The following FBXO41 variants were observed in gnomAD, a reference collection of about 807,000 sequenced individuals.
FBXO41 encodes F-box only protein 41.
Under a neutral mutation model 81.6 loss-of-function variants are expected in FBXO41, and 33 were observed. The observed-to-expected ratio is 0.40, with a 90% confidence interval of 0.31 to 0.54. The LOEUF (loss-of-function observed/expected upper bound fraction) is 0.54, where lower values mean the gene tolerates loss of function less well. FBXO41 is among the 20% of genes least tolerant of loss of function. The pLI, the probability that FBXO41 is intolerant of heterozygous loss-of-function variation, is 0.39. For synonymous variants in FBXO41, 576 were observed against 552.7 expected (o/e 1.04, Z -0.59); for missense variants, 1,107 against 1,236.0 (o/e 0.90, Z 1.56).
Position 73,276,585 on chromosome 2 carries a change from A to AGG in FBXO41, c.-138-6818_-138-6817insCC, listed in dbSNP as rs907154205. Among the ~76,000 whole-genome samples, 4 of 132,690 alleles carry AGG rather than the reference A, an allele frequency of 3.0e-5. 1 individual carries two copies. Among genetic ancestry groups the AGG allele is most frequent in the African/African-American group, 1.3e-4 (4 of 29,864 alleles). The allele number at this position is 132,690 out of a possible 152,430, so 87.0% of individuals were successfully genotyped here. Reference sequence around the variant, plus strand: ...CAGAGAGAGAGAGAGAGAGAGAGAGAGAGAGAGAGAGAGAGAGAGGGAGAG... The same window carrying AGG: ...CAGAGAGAGAGAGAGAGAGAGAGAGAGGGAGAGAGAGAGAGAGAGAGGGAGAG... On this transcript the variant is annotated intron_variant, in intron 1 of 12. Transcript: ENST00000520530.
At chr2:73,275,321 T>G (rs1447275124) in intron 1 of FBXO41, among the ~76,000 whole-genome samples, 1 of 152,132 alleles carries the variant, frequency 6.6e-6, no homozygotes. Flanking sequence ...TAGCTGGGAT[T>G]GCAAGCACCC....
chr2:73,261,401 T>A (rs1334365314), intron 9 of FBXO41, among the ~76,000 whole-genome samples: 3 of 152,150 alleles, frequency 2.0e-5, no homozygotes, highest in African/African-American at 7.2e-5. Flanking sequence ...ATTGGCATTC[T>A]CTGGGTTAGC....
intron 1 of FBXO41, among the ~76,000 whole-genome samples, chr2:73,278,334 T>C (rs1688752664): frequency 6.6e-6 from 1 of 152,214 alleles, no homozygotes; most frequent in Admixed American, 6.5e-5. Flanking sequence ...TAAATTTACT[T>C]AAAGTAGTTC....
At chr2:73,281,132 C>A (rs890679034) in intron 1 of FBXO41, among the ~76,000 whole-genome samples, 3 of 152,186 alleles carry the variant, frequency 2.0e-5, no homozygotes, top group African/African-American at 7.2e-5. Context: ...ATCCACCCAG[C>A]AAACGATGTC....
intron 1 of FBXO41, chr2:73,272,271 C>T (rs1001827267): frequency 3.9e-5 from 6 of 152,178 alleles, no homozygotes; most frequent in Non-Finnish European, 5.9e-5. Context: ...GTCCAACAAG[C>T]AAGAGACACA....
rs1455598246 is a variant in FBXO41 at position 73,255,637 on chromosome 2, T to C, written c.*3345A>G. On this transcript the variant is annotated 3_prime_UTR_variant, in exon 13 of 13. Coordinates refer to ENST00000520530, the MANE Select transcript of FBXO41 (RefSeq NM_001371389.2). ...ACAGGAACTGGGACTTTGGCACCAA[T>C]AGTCACTCTGGGAAGGCCTCCTTCA... 6.6e-6 allele frequency: 1 copy of C among 152,576 alleles called. No homozygotes were observed. The highest frequency in any genetic ancestry group is 1.5e-5 in the Non-Finnish European group (1 of 68,052). The allele number at this position is 152,576 out of a possible 1,614,324, so 9.5% of individuals were successfully genotyped here.
chr2:73,266,086 G>C lies in FBXO41; in HGVS notation c.1132-120C>G. ...GAGATGGGGGAGAGGAGAGAGAAGGGAAAATAGTTGGGAAAGATGGACAAA... is the reference window on the plus strand; with the variant it reads ...GAGATGGGGGAGAGGAGAGAGAAGGCAAAATAGTTGGGAAAGATGGACAAA... On this transcript the variant is annotated intron_variant, in intron 3 of 12. Coordinates refer to ENST00000520530, the MANE Select transcript of FBXO41 (RefSeq NM_001371389.2). This position sits in a 1 kb window ranked among gnomAD's most constrained non-coding sequence, Gnocchi z 5.3. The C allele has an allele frequency of 2.1e-5, 18 of 850,362 alleles. No individual in the cohort carries two copies. The highest frequency in any genetic ancestry group is 3.0e-5 in the Non-Finnish European group (16 of 532,224). The allele number at this position is 850,362 out of a possible 1,614,324, so 52.7% of individuals were successfully genotyped here.
chr2:73,264,766 C>T (rs547680539), intron 5 of FBXO41, among the ~76,000 whole-genome samples: 46 of 152,274 alleles, frequency 3.0e-4, no homozygotes, highest in African/African-American at 9.6e-4. Context: ...CATTCAAACT[C>T]ACCCCCTACA....
chr2:73,271,774 G>C (rs2103896712), intron 1 of FBXO41, among the ~76,000 whole-genome samples: 1 of 152,250 alleles, frequency 6.6e-6, no homozygotes, highest in East Asian at 1.9e-4. Flanking sequence ...GGGACTACAG[G>C]CATGTGCCAC....
chr2:73,276,560 CAG>C (rs533998261), intron 1 of FBXO41, among the ~76,000 whole-genome samples: 13,169 of 106,354 alleles, frequency 0.12, 649 homozygotes, highest in Non-Finnish European at 0.15. Context: ...CAAATCTATT[CAG>C]AGAGAGAGAG....
At position 73,266,002 on chromosome 2, in the gene FBXO41, G is replaced by C. The variant is rs763647353; in HGVS notation, c.1132-36C>G. On this transcript the variant is annotated intron_variant, in intron 3 of 12. Coordinates refer to ENST00000520530, the MANE Select transcript of FBXO41 (RefSeq NM_001371389.2). This position sits in a 1 kb window ranked among gnomAD's most constrained non-coding sequence, Gnocchi z 5.3. ...CCAGAGCAGGAGGTAAAGGAGAGGGGCGGAGGAGGCAAGAGGATGAGCAGG... is the reference window on the plus strand; with the variant it reads ...CCAGAGCAGGAGGTAAAGGAGAGGGCCGGAGGAGGCAAGAGGATGAGCAGG... The C allele has an allele frequency of 1.3e-6, 2 of 1,542,836 alleles. No individual in the cohort carries two copies. The highest frequency in any genetic ancestry group is 1.8e-6 in the Non-Finnish European group (2 of 1,137,852).
Position 73,264,325 on chromosome 2 carries a change from C to T in FBXO41, c.1759G>A (p.Ala587Thr), listed in dbSNP as rs772369672. 1.4e-5 allele frequency: 23 copies of T among 1,613,546 alleles called. No homozygotes were observed. The highest frequency in any genetic ancestry group is 4.4e-5 in the South Asian group (4 of 91,084). The change falls in exon 6 of 13, where the codon GCA (alanine) becomes ACA (threonine). Residue 587 changes from alanine (A) to threonine (T), a missense_variant. Physicochemically the swap from Ala to Thr is moderately conservative, Grantham distance 58. This residue lies in a region of FBXO41 where 336 missense variants were observed against 446.7 expected (regional missense o/e 0.75). Coordinates refer to ENST00000520530, the MANE Select transcript of FBXO41 (RefSeq NM_001371389.2). ...RDWRFVARHPAVWTRVLLENA... is the reference protein window; with the variant it reads ...RDWRFVARHPTVWTRVLLENA... Reference sequence around the variant, plus strand: ...TCAAGCAGCACCCTTGTCCAGACTGCGGGGTGGCGGGCCACGAAGCGCCAG... The same window carrying T: ...TCAAGCAGCACCCTTGTCCAGACTGTGGGGTGGCGGGCCACGAAGCGCCAG...
In FBXO41 at chr2:73,255,623, GA is replaced by G. The variant is rs1411065220; in HGVS notation, c.*3358del. 3 of 152,588 alleles carry G rather than the reference GA, an allele frequency of 2.0e-5. No individual in the cohort carries two copies. The highest frequency in any genetic ancestry group is 6.5e-5 in the Admixed American group (1 of 15,286). The allele number at this position is 152,588 out of a possible 1,614,324, so 9.5% of individuals were successfully genotyped here. On this transcript the variant is annotated 3_prime_UTR_variant, in exon 13 of 13. Coordinates refer to ENST00000520530, the MANE Select transcript of FBXO41 (RefSeq NM_001371389.2). ...TTACCCCAAGTCCAACAGGAACTGG[GA>G]CTTTGGCACCAATAGTCACTCTGGG...
chr2:73,266,098 G>A lies in FBXO41; in HGVS notation c.1132-132C>T, dbSNP rs1688264400. ...AGGAGAGAGAAGGGAAAATAGTTGG[G>A]AAAGATGGACAAATGGACAGACAGA... On this transcript the variant is annotated intron_variant, in intron 3 of 12. Transcript: ENST00000520530. The surrounding 1 kb of genome is among the most constrained non-coding windows in gnomAD (Gnocchi z 5.3). 2 of 840,602 alleles carry A rather than the reference G, an allele frequency of 2.4e-6. No homozygotes were observed. The highest frequency in any genetic ancestry group is 2.2e-5 in the Admixed American group (1 of 45,582). 52.1% of individuals were successfully genotyped at this position (840,602 alleles called of 1,614,324 possible). A position where few individuals can be genotyped will look rare whatever the true frequency, so the allele number is the denominator to read the frequency against.
chr2:73,279,629 C>T (rs1258191221), intron 1 of FBXO41, among the ~76,000 whole-genome samples: 2 of 152,174 alleles, frequency 1.3e-5, no homozygotes, highest in East Asian at 3.9e-4. Context: ...GGGAAGGGCC[C>T]ACTGGGGACT....
chr2:73,271,623 T>TTCCCCCCCCC (rs1688492959), intron 1 of FBXO41: 1 of 107,638 alleles, frequency 9.3e-6, no homozygotes, highest in African/African-American at 3.6e-5. Context: ...AATTCTGCAC[T>TTCCCCCCCCC]CCCCCCCCCC....
intron 2 of FBXO41, 120 bp downstream of exon 2, chr2:73,268,606 G>C (rs1243779751): frequency 1.9e-5 from 19 of 996,400 alleles, no homozygotes; most frequent in Non-Finnish European, 2.7e-5. Context: ...CCTGGCCACG[G>C]ATCCTCTATT....
Position 73,260,533 on chromosome 2 carries a change from G to A in FBXO41, c.2305C>T (p.Arg769Trp), listed in dbSNP as rs865871335. 1.9e-5 allele frequency: 30 copies of A among 1,594,072 alleles called. No homozygotes were observed. Among genetic ancestry groups the A allele is most frequent in the Non-Finnish European group, 2.0e-5 (23 of 1,170,454 alleles). Residue 769 changes from arginine (R) to tryptophan (W), a missense_variant, in exon 11 of 13, where the codon CGG becomes TGG. By Grantham distance (101) the Arg-to-Trp change is moderately radical. Transcript: ENST00000520530. This position sits in a 1 kb window ranked among gnomAD's most constrained non-coding sequence, Gnocchi z 5.0. ...GLASLARNCM[R>W]LQVLELDHVS... is the part of the protein sequence containing the mutation. ...TGGTCAAGCTCCAGGACCTGCAGCCGCATGCAGTTTCTCGCTAGGAAGAGG... is the reference window on the plus strand; with the variant it reads ...TGGTCAAGCTCCAGGACCTGCAGCCACATGCAGTTTCTCGCTAGGAAGAGG...
At position 73,259,203 on chromosome 2, in the gene FBXO41, TCAAA is replaced by T; in HGVS notation, c.2539_2542del (p.Phe847ArgfsTer4). On this transcript the variant is annotated frameshift_variant, in exon 12 of 13. Coordinates refer to ENST00000520530, the MANE Select transcript of FBXO41 (RefSeq NM_001371389.2). LOFTEE classifies it high-confidence loss of function. This position sits in a 1 kb window ranked among gnomAD's most constrained non-coding sequence, Gnocchi z 4.2. The stretch of plus-strand genomic sequence containing the variant: ...CACCTGGAGTTTTGTCACCATGTCC[TCAAA>T]CAGCTTCTGGGCCTCAGGGCTGCTG... 6.2e-7 allele frequency: 1 copy of T among 1,613,974 alleles called. No homozygotes were observed. Among genetic ancestry groups the T allele is most frequent in the Non-Finnish European group, 8.5e-7 (1 of 1,179,874 alleles).
Sources: allele counts gnomAD v4.1 joint callset (sites outside exome capture counted in the v4.1 genomes callset), GRCh38; gene constraint gnomAD v4.1.1; regional missense constraint gnomAD v4.1.1; non-coding constraint Gnocchi (gnomAD v3.1); transcripts MANE v1.5; gene names NCBI Gene and HGNC (gene_info 2026-07-23, HGNC 2026-07-21).